The following DOCK4 variants were observed in gnomAD, a reference collection of about 807,000 sequenced individuals.
DOCK4 encodes the protein dedicator of cytokinesis 4, also known as dedicator of cytokinesis protein 4.
Under a neutral mutation model 268.1 loss-of-function variants are expected in DOCK4, and 97 were observed. The ratio of observed to expected loss-of-function variants is 0.36; its 90% CI spans 0.31 to 0.43. DOCK4 has a LOEUF of 0.43. Among genes scored for constraint, DOCK4 ranks in the 20% least tolerant of loss-of-function variants. DOCK4 has a pLI of 1.00. For synonymous variants in DOCK4, 954 were observed against 887.2 expected, an observed-to-expected ratio of 1.08 and a Z score of -1.34; for missense variants, 2,145 against 2,455.7, an observed-to-expected ratio of 0.87 and a Z score of 2.67.
intron 8 of DOCK4, among the ~76,000 whole-genome samples, chr7:111,960,290 G>C (rs1796765106): frequency 2.0e-5 from 3 of 151,244 alleles, no homozygotes; most frequent in African/African-American, 7.3e-5. Context: ...CTTGAACCCG[G>C]GAGGCAGAGG....
chr7:111,821,793 A>G (rs547664791), intron 27 of DOCK4: 3 of 152,414 alleles, frequency 2.0e-5, no homozygotes, highest in African/African-American at 7.2e-5. Context: ...CTCAAAGGTC[A>G]TGTCTTATTC....
At position 111,769,668 on chromosome 7, in the gene DOCK4, T is replaced by A. The variant is rs200606456; in HGVS notation, c.3689A>T (p.Tyr1230Phe). 6.2e-7 allele frequency: 1 copy of A among 1,613,294 alleles called. No homozygotes were observed. The highest frequency in any genetic ancestry group is 8.5e-7 in the Non-Finnish European group (1 of 1,179,628). The stretch of plus-strand genomic sequence containing the variant: ...TAGCTCGTCATATAAGAGGAGGGTA[T>A]ATGCAGCTTCTGCAAGTCACGTGAG... ...LKAQNFTEAA[Y>F]TLLLYDELLE... The change falls in exon 37 of 53, where the codon TAT (tyrosine) becomes TTT (phenylalanine). Residue 1230 changes from tyrosine to phenylalanine, a missense_variant. By Grantham distance (22) the Tyr-to-Phe change is conservative. This residue lies in a region of DOCK4 where 1,598 missense variants were observed against 1,986.7 expected (regional missense o/e 0.80). Coordinates refer to ENST00000428084, the MANE Select transcript of DOCK4 (RefSeq NM_001363540.2).
At chr7:111,973,083 G>A (rs1449834228) in intron 8 of DOCK4, among the ~76,000 whole-genome samples, 1 of 146,894 alleles carries the variant, frequency 6.8e-6, no homozygotes, top group Non-Finnish European at 1.5e-5. Flanking sequence ...TAGAATAATG[G>A]TCTCTAATTT....
chr7:111,908,145 C>CATAGTAA (rs1316719782), intron 13 of DOCK4, among the ~76,000 whole-genome samples: 3 of 152,066 alleles, frequency 2.0e-5, no homozygotes, highest in Non-Finnish European at 4.4e-5. Context: ...TCTATCAGTA[C>CATAGTAA]ATAGTAAGGA....
intron 26 of DOCK4, among the ~76,000 whole-genome samples, chr7:111,826,962 A>G (rs1312589317): frequency 6.6e-6 from 1 of 152,238 alleles, no homozygotes; most frequent in Non-Finnish European, 1.5e-5. Flanking sequence ...GGCAAGACAC[A>G]GAGAAATGAA....
chr7:111,824,505 G>T (rs79318860), intron 26 of DOCK4, among the ~76,000 whole-genome samples: 2 of 151,978 alleles, frequency 1.3e-5, no homozygotes, highest in Non-Finnish European at 2.9e-5. Flanking sequence ...TTATCTTCTC[G>T]CCTCAAAAGT....
At position 111,786,545 on chromosome 7, in the gene DOCK4, T is replaced by C. The variant is rs1423747541; in HGVS notation, c.3401+2117A>G. 6.6e-5 allele frequency among the ~76,000 whole-genome samples: 10 copies of C among 152,236 alleles called. No homozygotes were observed. In the East Asian group the frequency reaches 1.5e-3, roughly 24 times the overall value. On this transcript the variant is annotated intron_variant, in intron 32 of 52. Transcript: ENST00000428084. Reference sequence around the variant, plus strand: ...ATGTTTGGGCTTAGGGAAAGATGAGTTGAGTTCTTAGCAAGGAAGGTACTA... The same window carrying C: ...ATGTTTGGGCTTAGGGAAAGATGAGCTGAGTTCTTAGCAAGGAAGGTACTA...
At chr7:112,058,082 TG>T (rs1189771649) in intron 1 of DOCK4, among the ~76,000 whole-genome samples, 1 of 146,458 alleles carries the variant, frequency 6.8e-6, no homozygotes, top group Non-Finnish European at 1.5e-5. Context: ...TAGAAGAAAC[TG>T]TATGAATGGT....
intron 23 of DOCK4, 128 bp downstream of exon 23, chr7:111,863,244 A>G: frequency 1.0e-6 from 1 of 960,684 alleles, no homozygotes; most frequent in East Asian, 2.6e-5. Context: ...TTTACCATCC[A>G]AATAAACAAT....
chr7:112,192,037 ATATAG>A (rs1820000581), intron 1 of DOCK4, among the ~76,000 whole-genome samples: 1 of 148,312 alleles, frequency 6.7e-6, no homozygotes, highest in Admixed American at 6.8e-5. Context: ...TATAATTTAA[ATATAG>A]TATATATACA....
At chr7:111,799,947 G>A (rs1019677100) in intron 30 of DOCK4, among the ~76,000 whole-genome samples, 1 of 152,054 alleles carries the variant, frequency 6.6e-6, no homozygotes, top group Non-Finnish European at 1.5e-5. Context: ...CCCACAATGT[G>A]GAATTCTGGT....
At chr7:111,830,888 C>A (rs1159614782) in intron 26 of DOCK4, among the ~76,000 whole-genome samples, 2 of 151,976 alleles carry the variant, frequency 1.3e-5, no homozygotes, top group Non-Finnish European at 2.9e-5. Flanking sequence ...ATTTAGGGAA[C>A]CTTTCATGAT....
At chr7:112,081,476 CATT>C (rs540056894) in intron 1 of DOCK4, among the ~76,000 whole-genome samples, 163 of 152,262 alleles carry the variant, frequency 1.1e-3, no homozygotes, top group African/African-American at 3.8e-3. Context: ...GATGAACACT[CATT>C]ATGTCCCACA....
At chr7:111,983,853 C>CGT (rs1230037352) in intron 7 of DOCK4, among the ~76,000 whole-genome samples, 2,946 of 96,490 alleles carry the variant, frequency 0.031, 60 homozygotes, top group African/African-American at 0.079. Context: ...CACGCGCGCG[C>CGT]GCGCGCGCGC....
chr7:112,102,305 G>C (rs374474292), intron 1 of DOCK4, among the ~76,000 whole-genome samples: 22 of 152,136 alleles, frequency 1.4e-4, no homozygotes, highest in Admixed American at 1.1e-3. Flanking sequence ...AAGAAACACT[G>C]TGAATGCTTA....
At chr7:111,782,998 G>GAA (rs1220100277) in intron 34 of DOCK4, 74 bp from the exon 35 acceptor site, 4 of 884,704 alleles carry the variant, frequency 4.5e-6, no homozygotes, top group South Asian at 3.8e-5. Flanking sequence ...CTTTTTGGGG[G>GAA]AAAAAAAGAA....
At chr7:111,783,079 G>A (rs920866321) in intron 34 of DOCK4, among the ~76,000 whole-genome samples, 155 bp from the exon 35 acceptor site, 2 of 151,868 alleles carry the variant, frequency 1.3e-5, no homozygotes, top group East Asian at 1.9e-4. Flanking sequence ...GCAAGCGTTC[G>A]TTCATTTAGA....
intron 47 of DOCK4, chr7:111,739,778 G>A (rs1471718726): frequency 1.7e-5 from 7 of 400,186 alleles, no homozygotes; most frequent in Admixed American, 4.0e-5. Flanking sequence ...CCAGCCTAGG[G>A]CCCAAAAACA....
rs1293948293 is a variant in DOCK4 at position 111,726,941 on chromosome 7, C to T, written c.*1333G>A. The T allele has an allele frequency of 6.6e-6, 1 of 152,256 alleles. No individual in the cohort carries two copies. The highest frequency in any genetic ancestry group is 1.5e-5 in the Non-Finnish European group (1 of 67,968). The allele number at this position is 152,256 out of a possible 1,614,324, so 9.4% of individuals were successfully genotyped here. ...TGGTCACTGCCTTCCAGGTAAGCTA[C>T]CAACAAAACAAACATGGTTAAACTA... On this transcript the variant is annotated 3_prime_UTR_variant, in exon 53 of 53. Transcript: ENST00000428084.
Sources: allele counts gnomAD v4.1 joint callset (sites outside exome capture counted in the v4.1 genomes callset), GRCh38; gene constraint gnomAD v4.1.1; regional missense constraint gnomAD v4.1.1; transcripts MANE v1.5; gene names NCBI Gene and HGNC (gene_info 2026-07-23, HGNC 2026-07-21).